Variants in ITGA11 observed in about 807,000 individuals in gnomAD.
The protein encoded by ITGA11 is integrin subunit alpha 11.
In ITGA11, 97 loss-of-function variants were observed where a neutral mutation model predicts 141.9. The ratio of observed to expected loss-of-function variants is 0.68; its 90% CI spans 0.58 to 0.81. The LOEUF is 0.81. Ranked by LOEUF, ITGA11 falls within the 30% of genes least tolerant of loss-of-function variation. ITGA11 has a pLI of 0.00. For missense variants in ITGA11, 1,387 were observed against 1,559.2 expected, an observed-to-expected ratio of 0.89 and a Z score of 1.86; for synonymous variants, 658 against 624.6, an observed-to-expected ratio of 1.05 and a Z score of -0.80.
Position 68,302,737 on chromosome 15 carries a change from A to G in ITGA11, c.*322T>C. ...ATGGGGATGATTACGAATTCCTAGC[A>G]CCTTAGTAGCTGGGGCAGCAAATGC... On this transcript the variant is annotated 3_prime_UTR_variant, in exon 30 of 30. Coordinates refer to ENST00000315757, the MANE Select transcript of ITGA11 (RefSeq NM_001004439.2). 1 of 306,868 alleles carries G rather than the reference A, an allele frequency of 3.3e-6. No homozygotes were observed. Among genetic ancestry groups the G allele is most frequent in the Non-Finnish European group, 5.9e-6 (1 of 168,584 alleles). 19.0% of individuals were successfully genotyped at this position (306,868 alleles called of 1,614,324 possible). A position where few individuals can be genotyped will look rare whatever the true frequency, so the allele number is the denominator to read the frequency against.
chr15:68,305,052 T>G lies in ITGA11; in HGVS notation c.3382-1167A>C, dbSNP rs1057355306. Among the ~76,000 whole-genome samples, 7 of 152,224 alleles carry G rather than the reference T, an allele frequency of 4.6e-5. No individual in the cohort carries two copies. The highest frequency in any genetic ancestry group is 1.7e-4 in the African/African-American group (7 of 41,462). The stretch of plus-strand genomic sequence containing the variant: ...CTCTGCTCAAGCTCAAAGTAAAAAG[T>G]GCAGTCCTGGCCCTGGCCTGCAAGG... On this transcript the variant is annotated intron_variant, in intron 28 of 29. Coordinates refer to ENST00000315757, the MANE Select transcript of ITGA11 (RefSeq NM_001004439.2). This position sits in a 1 kb window ranked among gnomAD's most constrained non-coding sequence, Gnocchi z 4.6.
At chr15:68,346,018 G>A (rs778897553) in intron 10 of ITGA11, among the ~76,000 whole-genome samples, 3 of 152,158 alleles carry the variant, frequency 2.0e-5, no homozygotes, top group Non-Finnish European at 4.4e-5. Context: ...ATTCAAATGC[G>A]ATCGTTGTCT....
chr15:68,376,029 G>A (rs972087289), intron 2 of ITGA11, among the ~76,000 whole-genome samples: 1 of 152,114 alleles, frequency 6.6e-6, no homozygotes, highest in Non-Finnish European at 1.5e-5. Flanking sequence ...CTGGGGGTGG[G>A]GCCCAGCGTC....
intron 12 of ITGA11, among the ~76,000 whole-genome samples, chr15:68,334,753 C>T (rs996120015): frequency 8.5e-5 from 13 of 152,122 alleles, no homozygotes; most frequent in African/African-American, 2.2e-4. Context: ...GTTTCTCCTT[C>T]GGATGTTGGA....
intron 2 of ITGA11, among the ~76,000 whole-genome samples, chr15:68,382,486 C>T (rs1895887325): frequency 6.6e-6 from 1 of 152,224 alleles, no homozygotes; most frequent in Non-Finnish European, 1.5e-5. Flanking sequence ...ACAAGGACAT[C>T]CAGCTTTGGG....
At chr15:68,370,600 T>C (rs981860792) in intron 2 of ITGA11, among the ~76,000 whole-genome samples, 1 of 152,186 alleles carries the variant, frequency 6.6e-6, no homozygotes, top group Non-Finnish European at 1.5e-5. Context: ...TCAGGCCACA[T>C]ACTAACAGTG....
intron 2 of ITGA11, among the ~76,000 whole-genome samples, chr15:68,384,334 G>T (rs1402097982): frequency 1.3e-5 from 2 of 151,746 alleles, no homozygotes; most frequent in Non-Finnish European, 2.9e-5. Flanking sequence ...CCCAAGAGAT[G>T]CAAGGAACCT....
chr15:68,411,759 C>T (rs1896775987), intron 1 of ITGA11, among the ~76,000 whole-genome samples: 1 of 152,174 alleles, frequency 6.6e-6, no homozygotes, highest in Non-Finnish European at 1.5e-5. Flanking sequence ...TTCCCCCAAC[C>T]TTGACTTTGG....
Position 68,328,037 on chromosome 15 carries a change from G to T in ITGA11, c.2068+59C>A. ...GGAAAAGCCCAGGCTTTGAAATAGA[G>T]CAAGGTGCAGGGGGAGACTGGAGTC... is the stretch of plus-strand genomic sequence containing the variant. On this transcript the variant is annotated intron_variant, in intron 16 of 29. Transcript: ENST00000315757. The surrounding 1 kb of genome is among the most constrained non-coding windows in gnomAD (Gnocchi z 4.8). 1 of 1,513,920 alleles carries T rather than the reference G, an allele frequency of 6.6e-7. No homozygotes were observed. The highest frequency in any genetic ancestry group is 8.9e-7 in the Non-Finnish European group (1 of 1,119,746). 93.8% of individuals were successfully genotyped at this position (1,513,920 alleles called of 1,614,324 possible).
rs35071996 is a variant in ITGA11, at chr15:68,322,857, CA to C, written c.2323-1355del. Among the ~76,000 whole-genome samples the C allele has an allele frequency of 0.79, 106,853 of 134,676 alleles. 44,378 individuals are homozygous for C. Among genetic ancestry groups the C allele is most frequent in the Non-Finnish European group, 0.92 (58,256 of 63,220 alleles). 88.4% of individuals were successfully genotyped at this position (134,676 alleles called of 152,430 possible). A position where few individuals can be genotyped will look rare whatever the true frequency, so the allele number is the denominator to read the frequency against. ...TGGGTGACAGAGGGAGATACCATTT[CA>C]AAAAAAAAAAAAAAGAAAGTAGGGG... On this transcript the variant is annotated intron_variant, in intron 18 of 29. Transcript: ENST00000315757. The surrounding 1 kb of genome is among the most constrained non-coding windows in gnomAD (Gnocchi z 5.6).
intron 1 of ITGA11, among the ~76,000 whole-genome samples, chr15:68,424,615 T>TA (rs1897097365): frequency 6.6e-6 from 1 of 152,318 alleles, no homozygotes; most frequent in Non-Finnish European, 1.5e-5. Flanking sequence ...CCTTCCCTCC[T>TA]AGTGCTGACC....
At chr15:68,375,438 T>C (rs559591125) in intron 2 of ITGA11, among the ~76,000 whole-genome samples, 1 of 152,232 alleles carries the variant, frequency 6.6e-6, no homozygotes, top group South Asian at 2.1e-4. Context: ...TCAAGATGGG[T>C]CTGGGGAAGC....
At chr15:68,397,692 ATATTATATTTAAAATAT>A (rs1352443191) in intron 2 of ITGA11, among the ~76,000 whole-genome samples, 5 of 26,578 alleles carry the variant, frequency 1.9e-4, no homozygotes, top group African/African-American at 7.0e-4. Flanking sequence ...TATATTTAAA[ATATTATATTTAAAATAT>A]TATATTTAAA....
At chr15:68,396,656 T>G (rs1032509135) in intron 2 of ITGA11, among the ~76,000 whole-genome samples, 1 of 151,296 alleles carries the variant, frequency 6.6e-6, no homozygotes, top group Non-Finnish European at 1.5e-5. Context: ...GATCTGATTG[T>G]ATATGTAGAA....
At chr15:68,331,572 G>A (rs1022562563) in intron 14 of ITGA11, among the ~76,000 whole-genome samples, 2 of 151,738 alleles carry the variant, frequency 1.3e-5, no homozygotes, top group East Asian at 1.9e-4. Context: ...TGCGCGTCTC[G>A]GGGGGAGTGA....
At chr15:68,426,193 G>C (rs1045831380) in intron 1 of ITGA11, among the ~76,000 whole-genome samples, 2 of 152,194 alleles carry the variant, frequency 1.3e-5, no homozygotes, top group Admixed American at 1.3e-4. Flanking sequence ...TTGGGCTCAA[G>C]GCACAGCCAG....
intron 5 of ITGA11, among the ~76,000 whole-genome samples, chr15:68,359,474 C>T (rs1331824512): frequency 2.0e-5 from 3 of 152,058 alleles, no homozygotes; most frequent in African/African-American, 7.2e-5. Context: ...GGCGAAACCC[C>T]GTCTCTACTA....
chr15:68,395,967 A>T (rs1015442548), intron 2 of ITGA11, among the ~76,000 whole-genome samples: 1 of 151,904 alleles, frequency 6.6e-6, no homozygotes, highest in African/African-American at 2.4e-5. Flanking sequence ...TAAACATTTA[A>T]AGAAGCAATA....
In ITGA11 at chr15:68,304,475, T is replaced by G. The variant is rs1893126345; in HGVS notation, c.3382-590A>C. 6.6e-6 allele frequency among the ~76,000 whole-genome samples: 1 copy of G among 152,220 alleles called. No individual in the cohort carries two copies. The highest frequency in any genetic ancestry group is 6.5e-5 in the Admixed American group (1 of 15,288). On this transcript the variant is annotated intron_variant, in intron 28 of 29. Coordinates refer to ENST00000315757, the MANE Select transcript of ITGA11 (RefSeq NM_001004439.2). This position sits in a 1 kb window ranked among gnomAD's most constrained non-coding sequence, Gnocchi z 6.1. ...TTATAAACCATAATTTTAAATACTT[T>G]TTTCCTATGGAGGAAGGTGTCCCAA...
Sources: gnomAD v4.1 joint callset for allele counts (sites outside exome capture counted in the v4.1 genomes callset) on GRCh38, gnomAD v4.1.1 for gene constraint, Gnocchi (gnomAD v3.1) non-coding constraint, MANE v1.5 for transcripts, NCBI Gene and HGNC (gene_info 2026-07-23, HGNC 2026-07-21) for gene names.